SLC36A4: variants seen among roughly 807,000 people sequenced by gnomAD.
SLC36A4 encodes the protein neutral amino acid uniporter 4.
A neutral mutation model predicts 50.5 loss-of-function variants in SLC36A4; 49 were observed. The observed-to-expected ratio is 0.97, with a 90% CI of 0.77 to 1.23. The LOEUF (loss-of-function observed/expected upper bound fraction) is 1.23. Among genes scored for constraint, SLC36A4 ranks in the 50% most tolerant of loss-of-function variants. SLC36A4 has a pLI of 0.00. For synonymous variants in SLC36A4, 207 were observed against 206.5 expected, an observed-to-expected ratio of 1.00 and a Z score of -0.02; for missense variants, 611 against 608.4, an observed-to-expected ratio of 1.00 and a Z score of -0.05.
chr11:93,181,116 C>T (rs943635632), intron 5 of SLC36A4, among the ~76,000 whole-genome samples: 1 of 152,086 alleles, frequency 6.6e-6, no homozygotes, highest in African/African-American at 2.4e-5. Flanking sequence ...TCCCATCTCA[C>T]ATGTCATCTT....
At chr11:93,181,874 A>C in intron 4 of SLC36A4, 88 bp from the exon 5 acceptor site, 2 of 1,120,678 alleles carry the variant, frequency 1.8e-6, no homozygotes, top group Non-Finnish European at 2.4e-6. Context: ...CATAAAATAA[A>C]TGGGAATTAA....
At chr11:93,176,271 C>T (rs2134680447) in intron 6 of SLC36A4, among the ~76,000 whole-genome samples, 1 of 149,486 alleles carries the variant, frequency 6.7e-6, no homozygotes, top group Admixed American at 6.6e-5. Context: ...GGATTGCAAC[C>T]CCTGCCTTTT....
At chr11:93,173,307 T>G (rs1861273693) in intron 6 of SLC36A4, among the ~76,000 whole-genome samples, 1 of 149,874 alleles carries the variant, frequency 6.7e-6, no homozygotes, top group South Asian at 2.1e-4. Flanking sequence ...GTTTTTTTCT[T>G]GTAAATTTGT....
At position 93,180,783 on chromosome 11, in the gene SLC36A4, A is replaced by G; in HGVS notation, c.540+14T>C. 3.2e-6 allele frequency: 5 copies of G among 1,581,514 alleles called. No individual in the cohort carries two copies. The African/African-American group carries it at 4.0e-5, about 13-fold the overall frequency. ...AGAAGAAAATGATTTCACTAACTGG[A>G]GAAAAATACTCACTTGTTTCACATT... On this transcript the variant is annotated intron_variant, in intron 6 of 10. Coordinates refer to ENST00000326402, the MANE Select transcript of SLC36A4 (RefSeq NM_152313.4).
At chr11:93,168,953 G>T (rs560283694) in intron 6 of SLC36A4, among the ~76,000 whole-genome samples, 1 of 151,944 alleles carries the variant, frequency 6.6e-6, no homozygotes, top group East Asian at 1.9e-4. Flanking sequence ...TACTAAAATA[G>T]AAATGAAATT....
rs986066454 is a variant in SLC36A4 at position 93,147,699 on chromosome 11, T to C, written c.*838A>G. On this transcript the variant is annotated 3_prime_UTR_variant, in exon 11 of 11. Transcript: ENST00000326402. ...AACACTAAAATTAAGCTGAACATAA[T>C]TTATTCTTTTTCTTGGACATGATGT... 6.6e-6 allele frequency: 1 copy of C among 152,070 alleles called. No individual in the cohort carries two copies. Among genetic ancestry groups the C allele is most frequent in the African/African-American group, 2.4e-5 (1 of 41,426 alleles). 9.4% of individuals were successfully genotyped at this position (152,070 alleles called of 1,614,324 possible).
At chr11:93,161,158 G>A (rs958707602) in intron 9 of SLC36A4, among the ~76,000 whole-genome samples, 26 of 152,082 alleles carry the variant, frequency 1.7e-4, no homozygotes, top group African/African-American at 5.8e-4. Flanking sequence ...TCTTCTAAAT[G>A]AGGAAAAAAT....
At chr11:93,194,503 T>G (rs754947369) in intron 1 of SLC36A4, among the ~76,000 whole-genome samples, 1 of 152,182 alleles carries the variant, frequency 6.6e-6, no homozygotes. Context: ...GACCTTAAGC[T>G]ATTTACATAC....
chr11:93,159,461 G>A (rs547991357), intron 9 of SLC36A4, among the ~76,000 whole-genome samples: 3 of 152,210 alleles, frequency 2.0e-5, no homozygotes, highest in African/African-American at 7.2e-5. Flanking sequence ...AGAAGCTACC[G>A]TTAGAAATAA....
At chr11:93,156,573 CCA>C (rs1454829532) in intron 9 of SLC36A4, among the ~76,000 whole-genome samples, 1 of 152,004 alleles carries the variant, frequency 6.6e-6, no homozygotes, top group East Asian at 1.9e-4. Flanking sequence ...GCGCCTGCCA[CCA>C]CACCTGGCTA....
At chr11:93,158,342 AT>A (rs1860459541) in intron 9 of SLC36A4, among the ~76,000 whole-genome samples, 1 of 152,148 alleles carries the variant, frequency 6.6e-6, no homozygotes, top group Admixed American at 6.5e-5. Context: ...AAATGTGGTA[AT>A]AATATATTTA....
At chr11:93,150,875 T>G (rs1308284818) in intron 10 of SLC36A4, among the ~76,000 whole-genome samples, 1 of 152,046 alleles carries the variant, frequency 6.6e-6, no homozygotes, top group Admixed American at 6.6e-5. Context: ...TCTTGCCACC[T>G]GAAGAGGCTT....
At chr11:93,158,322 T>C (rs1265833150) in intron 9 of SLC36A4, among the ~76,000 whole-genome samples, 3 of 152,178 alleles carry the variant, frequency 2.0e-5, no homozygotes, top group Non-Finnish European at 1.5e-5. Flanking sequence ...TTTTCACTTA[T>C]GTATTTTTAA....
At position 93,154,130 on chromosome 11, in the gene SLC36A4, T is replaced by C. The variant is rs182082275; in HGVS notation, c.1185A>G (p.Arg395=). The change falls in exon 10 of 11, where the codon AGA becomes AGG. Residue 395 remains arginine (R), a synonymous_variant. Transcript: ENST00000326402. ...KWKQICEFGI[R]SFLVSITCAG... ...TACAAGTAATACTAACCAAGAAGGA[T>C]CTTATCCCAAATTCACAGATTTGCT... 3 of 1,543,996 alleles carry C rather than the reference T, an allele frequency of 1.9e-6. No individual in the cohort carries two copies. Among genetic ancestry groups the C allele is most frequent in the Middle Eastern group, 1.7e-4 (1 of 5,756 alleles).
chr11:93,162,751 T>C lies in SLC36A4; in HGVS notation c.992A>G (p.Asp331Gly), dbSNP rs757658701. 3.1e-6 allele frequency: 5 copies of C among 1,612,888 alleles called. No individual in the cohort carries two copies. The Admixed American group carries it at 5.0e-5, about 16-fold the overall frequency. ...LATLGYMCFH[D>G]EIKGSITLNL... is the part of the protein sequence containing the mutation. ...TAAAGTTATGCTGCCTTTGATTTCA[T>C]CATGGAAACACATATATCCTAAAGT... The change falls in exon 9 of 11, where the codon GAT (aspartate) becomes GGT (glycine). Residue 331 changes from aspartate (D) to glycine (G), a missense_variant. By Grantham distance (94) the Asp-to-Gly change is moderately conservative. Coordinates refer to ENST00000326402, the MANE Select transcript of SLC36A4 (RefSeq NM_152313.4).
Position 93,146,905 on chromosome 11 carries a change from A to G in SLC36A4, c.*1632T>C, listed in dbSNP as rs183487174. 143 of 152,194 alleles carry G rather than the reference A, an allele frequency of 9.4e-4. No homozygotes were observed. The highest frequency in any genetic ancestry group is 3.1e-3 in the African/African-American group (127 of 41,560). The allele number at this position is 152,194 out of a possible 1,614,324, so 9.4% of individuals were successfully genotyped here. A position where few individuals can be genotyped will look rare whatever the true frequency, so the allele number is the denominator to read the frequency against. On this transcript the variant is annotated 3_prime_UTR_variant, in exon 11 of 11. Coordinates refer to ENST00000326402, the MANE Select transcript of SLC36A4 (RefSeq NM_152313.4). ...TCTGAAAGAAGCCTGGAGTGTCTCA[A>G]TATTTAGAAGGGAGTTTATGGATTT... is the stretch of plus-strand genomic sequence containing the variant.
rs1315988638 is a variant in SLC36A4, at chr11:93,181,800, A to G, written c.360-14T>C. The G allele has an allele frequency of 5.3e-5, 81 of 1,533,184 alleles. No homozygotes were observed. The highest frequency in any genetic ancestry group is 7.1e-5 in the Non-Finnish European group (81 of 1,140,076). The allele number at this position is 1,533,184 out of a possible 1,614,324, so 95.0% of individuals were successfully genotyped here. ...GACTTTTTAAACCTGTAATTTAATG[A>G]CATACATACAAAGGAAAAAAGAAAA... On this transcript the variant is annotated splice_polypyrimidine_tract_variant and intron_variant, in intron 4 of 10. Coordinates refer to ENST00000326402, the MANE Select transcript of SLC36A4 (RefSeq NM_152313.4).
At chr11:93,194,502 C>T (rs1466353413) in intron 1 of SLC36A4, among the ~76,000 whole-genome samples, 1 of 152,168 alleles carries the variant, frequency 6.6e-6, no homozygotes, top group Non-Finnish European at 1.5e-5. Flanking sequence ...AGACCTTAAG[C>T]TATTTACATA....
chr11:93,183,688 T>TTTTA (rs1321528685), intron 3 of SLC36A4, among the ~76,000 whole-genome samples: 3 of 151,902 alleles, frequency 2.0e-5, no homozygotes, highest in African/African-American at 7.3e-5. Context: ...ATTACTTTTC[T>TTTTA]TTTATTTATT....
Sources: allele counts gnomAD v4.1 joint callset (sites outside exome capture counted in the v4.1 genomes callset), GRCh38; gene constraint gnomAD v4.1.1; transcripts MANE v1.5; gene names NCBI Gene and HGNC (gene_info 2026-07-23, HGNC 2026-07-21).